Variants in ZNF280C observed in about 807,000 individuals in gnomAD.
ZNF280C encodes the protein suppressor of hairy wing homolog 3.
In ZNF280C, 14 loss-of-function variants were observed where a neutral mutation model predicts 53.6. The ratio of observed to expected loss-of-function variants is 0.26; its 90% CI spans 0.17 to 0.41. The LOEUF (loss-of-function observed/expected upper bound fraction) is 0.41. ZNF280C is among the 10% of genes least tolerant of loss of function. The probability of loss-of-function intolerance (pLI) is 1.00; values close to 1 mark genes in which losing one functional copy is unlikely to be tolerated. For missense variants in ZNF280C, 416 were observed against 547.1 expected (o/e 0.76, Z 2.39); for synonymous variants, 203 against 181.1 (o/e 1.12, Z -0.97).
intron 14 of ZNF280C, 69 bp downstream of exon 14, chrX:130,215,722 T>C (rs1395787997): frequency 2.0e-6 from 2 of 996,957 alleles, no homozygotes; most frequent in Non-Finnish European, 2.7e-6. Flanking sequence ...TGTAAGAGGG[T>C]TTTATGATAT....
At chrX:130,214,040 T>C (rs974149347) in intron 15 of ZNF280C, among the ~76,000 whole-genome samples, 2 of 111,965 alleles carry the variant, frequency 1.8e-5, no homozygotes, top group Non-Finnish European at 3.8e-5. Flanking sequence ...GCTCAAGCAA[T>C]CCTCCCTCCT....
intron 11 of ZNF280C, among the ~76,000 whole-genome samples, chrX:130,227,262 T>C (rs150994952): frequency 4.1e-3 from 455 of 112,323 alleles, no homozygotes; most frequent in African/African-American, 0.014. Flanking sequence ...ATCCATGCTA[T>C]GCCAGTGTCA....
At chrX:130,262,571 T>C (rs768301437) in intron 1 of ZNF280C, among the ~76,000 whole-genome samples, 2 of 111,741 alleles carry the variant, frequency 1.8e-5, no homozygotes, top group African/African-American at 6.5e-5. Flanking sequence ...GTCAGAGAAA[T>C]GGAATATCCA....
chrX:130,237,610 A>T (rs1266180549), intron 6 of ZNF280C, among the ~76,000 whole-genome samples: 1 of 111,933 alleles, frequency 8.9e-6, no homozygotes, highest in African/African-American at 3.2e-5. Context: ...GTCGTGTTTT[A>T]AAAGCTCACA....
Position 130,268,752 on chromosome X carries a change from G to A in ZNF280C, c.-17+10C>T, listed in dbSNP as rs940945355. 8.9e-6 allele frequency: 1 copy of A among 112,353 alleles called. No homozygotes were observed. Among genetic ancestry groups the A allele is most frequent in the Admixed American group, 9.3e-5 (1 of 10,744 alleles). 9.3% of individuals were successfully genotyped at this position (112,353 alleles called of 1,213,427 possible). ...TCCGCGCGGCACAGGCGGGGGCGGG[G>A]GCCGCTTACCGAGAGCAGAGCAGAT... is the stretch of plus-strand genomic sequence containing the variant. On this transcript the variant is annotated intron_variant, in intron 1 of 18. Coordinates refer to ENST00000370978, the MANE Select transcript of ZNF280C (RefSeq NM_017666.5).
At chrX:130,262,838 G>C (rs893320629) in intron 1 of ZNF280C, among the ~76,000 whole-genome samples, 5 of 112,244 alleles carry the variant, frequency 4.5e-5, no homozygotes, top group African/African-American at 1.6e-4. Flanking sequence ...AAGACTGCCT[G>C]TATAAATAAT....
chrX:130,241,955 G>C (rs1316860891), intron 5 of ZNF280C, among the ~76,000 whole-genome samples: 1 of 104,064 alleles, frequency 9.6e-6, no homozygotes, highest in African/African-American at 3.6e-5. Flanking sequence ...GCCCATCTCA[G>C]CTGGGCGTGG....
intron 12 of ZNF280C, among the ~76,000 whole-genome samples, chrX:130,222,557 G>C (rs1487988356): frequency 8.9e-6 from 1 of 112,278 alleles, no homozygotes; most frequent in Non-Finnish European, 1.9e-5. Context: ...TACTTGTCCA[G>C]AGCCCCAAGA....
At chrX:130,217,845 G>A (rs1054345023) in intron 13 of ZNF280C, among the ~76,000 whole-genome samples, 1 of 112,144 alleles carries the variant, frequency 8.9e-6, no homozygotes. Context: ...AATATCAAAA[G>A]AGCACATTCC....
intron 5 of ZNF280C, among the ~76,000 whole-genome samples, chrX:130,241,485 G>A (rs2032389843): frequency 8.9e-6 from 1 of 112,838 alleles, no homozygotes; most frequent in African/African-American, 3.2e-5. Flanking sequence ...ATGGGGCTGA[G>A]TGCAGTGGCT....
At chrX:130,231,096 C>G (rs769860744) in intron 8 of ZNF280C, among the ~76,000 whole-genome samples, 1 of 111,714 alleles carries the variant, frequency 9.0e-6, no homozygotes, top group East Asian at 2.8e-4. Flanking sequence ...AGCTTACATG[C>G]TTATACACCA....
At chrX:130,228,845 T>C in intron 10 of ZNF280C, 132 bp downstream of exon 10, 2 of 631,957 alleles carry the variant, frequency 3.2e-6, no homozygotes, top group Non-Finnish European at 2.3e-6. Flanking sequence ...AGTTATGATT[T>C]TTTTTTTCAA....
intron 2 of ZNF280C, among the ~76,000 whole-genome samples, chrX:130,254,107 C>T (rs1347525677): frequency 8.9e-6 from 1 of 111,852 alleles, no homozygotes; most frequent in Non-Finnish European, 1.9e-5. Context: ...TGGATGTGAA[C>T]AGATGCTTAT....
intron 2 of ZNF280C, among the ~76,000 whole-genome samples, chrX:130,254,647 T>C (rs2032546675): frequency 9.0e-6 from 1 of 111,460 alleles, no homozygotes; most frequent in Non-Finnish European, 1.9e-5. Context: ...CTTAGCAAAC[T>C]AATGCAGGAA....
chrX:130,230,631 A>G lies in ZNF280C; in HGVS notation c.868T>C (p.Leu290=). ...EDKTDSETGK[L]IMLVNEFYYG... ...TAAAACTCATTGACTAACATGATCA[A>G]CTTTCCTGTCTCTGAATCAGTCTTG... is the stretch of plus-strand genomic sequence containing the variant. Residue 290 remains leucine (L), a synonymous_variant, in exon 9 of 19, where the codon TTG becomes CTG. Transcript: ENST00000370978. 1 of 1,209,541 alleles carries G rather than the reference A, an allele frequency of 8.3e-7. No homozygotes were observed. The highest frequency in any genetic ancestry group is 1.1e-6 in the Non-Finnish European group (1 of 893,707).
chrX:130,244,934 C>A (rs1456220705), intron 3 of ZNF280C, among the ~76,000 whole-genome samples: 1 of 111,012 alleles, frequency 9.0e-6, no homozygotes, highest in East Asian at 2.8e-4. Context: ...AGAAAAATAT[C>A]CTCAAACAAC....
chrX:130,232,594 A>G (rs1054959910), intron 8 of ZNF280C, among the ~76,000 whole-genome samples: 5 of 111,845 alleles, frequency 4.5e-5, no homozygotes, highest in African/African-American at 1.6e-4. Context: ...AAGGTGCTCA[A>G]CATTGCTAAC....
At chrX:130,263,943 T>C (rs1194752722) in intron 1 of ZNF280C, among the ~76,000 whole-genome samples, 6 of 103,921 alleles carry the variant, frequency 5.8e-5, no homozygotes, top group Admixed American at 2.2e-4. Context: ...GAGAATAGCT[T>C]GAACCTGGGA....
intron 3 of ZNF280C, among the ~76,000 whole-genome samples, chrX:130,245,100 C>T (rs1039468951): frequency 7.2e-5 from 8 of 111,445 alleles, no homozygotes; most frequent in African/African-American, 2.6e-4. Context: ...AGATGAGATC[C>T]CATATGCTAA....
Sources: allele counts gnomAD v4.1 joint callset (sites outside exome capture counted in the v4.1 genomes callset), GRCh38; gene constraint gnomAD v4.1.1; transcripts MANE v1.5; gene names NCBI Gene and HGNC (gene_info 2026-07-23, HGNC 2026-07-21).